FGD4: variants seen among roughly 807,000 people sequenced by gnomAD.
FGD4 encodes the protein FYVE, RhoGEF and PH domain containing 4, also known as FYVE, RhoGEF and PH domain-containing protein 4.
FGD4 carries 42 observed loss-of-function variants against 102.0 expected under a neutral mutation model. That is an observed-to-expected ratio of 0.41 (90% CI 0.32 to 0.53). The LOEUF is 0.53. Ranked by LOEUF, FGD4 falls within the 20% of genes least tolerant of loss-of-function variation. FGD4 has a pLI of 0.21. For missense variants in FGD4, 902 were observed against 1,078.2 expected (o/e 0.84, Z 2.29); for synonymous variants, 380 against 375.7 (o/e 1.01, Z -0.13).
At chr12:32,575,190 G>A (rs1385327451) in intron 2 of FGD4, among the ~76,000 whole-genome samples, 3 of 152,162 alleles carry the variant, frequency 2.0e-5, no homozygotes, top group African/African-American at 7.2e-5. Context: ...ACCATCTTAA[G>A]CTGTTTAGTG....
chr12:32,495,951 ACCTTGGCCAC>A (rs1423553554), intron 1 of FGD4, among the ~76,000 whole-genome samples: 2 of 152,064 alleles, frequency 1.3e-5, no homozygotes, highest in African/African-American at 4.8e-5. Context: ...TTGCCCACAA[ACCTTGGCCAC>A]CCTCTCTTTT....
chr12:32,532,911 TTC>T (rs1340878663), intron 1 of FGD4, among the ~76,000 whole-genome samples: 2 of 152,212 alleles, frequency 1.3e-5, no homozygotes, highest in African/African-American at 4.8e-5. Flanking sequence ...ATATACACAT[TTC>T]TGTTATTAAA....
intron 1 of FGD4, among the ~76,000 whole-genome samples, chr12:32,488,925 C>T (rs1326335909): frequency 6.6e-6 from 1 of 151,220 alleles, no homozygotes; most frequent in African/African-American, 2.4e-5. Context: ...GGTGACAGGG[C>T]GAGACTCTGT....
chr12:32,576,554 T>C, intron 3 of FGD4, 105 bp downstream of exon 3: 1 of 1,316,514 alleles, frequency 7.6e-7, no homozygotes, highest in Non-Finnish European at 1.1e-6. Context: ...AATATCTTAT[T>C]CCATTAGGTT....
intron 1 of FGD4, among the ~76,000 whole-genome samples, chr12:32,481,315 C>T (rs1382059617): frequency 6.6e-6 from 1 of 151,770 alleles, no homozygotes; most frequent in African/African-American, 2.4e-5. Flanking sequence ...AATTAGCTGC[C>T]AAATACATTG....
At chr12:32,403,217 T>C (rs1940764553) in intron 1 of FGD4, among the ~76,000 whole-genome samples, 1 of 152,206 alleles carries the variant, frequency 6.6e-6, no homozygotes, top group South Asian at 2.1e-4. Context: ...CCCTGCTGTT[T>C]TTAGAGTTCT....
intron 1 of FGD4, among the ~76,000 whole-genome samples, chr12:32,484,964 ATAG>A (rs1276600010): frequency 1.3e-5 from 2 of 152,222 alleles, no homozygotes; most frequent in Non-Finnish European, 2.9e-5. Flanking sequence ...TGGTGGTATG[ATAG>A]TAGCTCACTA....
intron 1 of FGD4, among the ~76,000 whole-genome samples, chr12:32,435,256 C>A (rs978693324): frequency 1.7e-4 from 26 of 152,100 alleles, no homozygotes; most frequent in African/African-American, 5.1e-4. Context: ...CACTTCATTT[C>A]TTTAAAGTGA....
Position 32,624,766 on chromosome 12 carries a change from G to A in FGD4, c.1954-210G>A, listed in dbSNP as rs990550272. On this transcript the variant is annotated intron_variant, in intron 12 of 16. Coordinates refer to ENST00000534526, the MANE Select transcript of FGD4 (RefSeq NM_001370298.3). Reference sequence around the variant, plus strand: ...TGGGATTACAGGTGTGAGCCACCACGCCCAGCTTATTTTCACTTTTGTTTT... The same window carrying A: ...TGGGATTACAGGTGTGAGCCACCACACCCAGCTTATTTTCACTTTTGTTTT... The A allele has an allele frequency of 3.4e-5, 21 of 623,648 alleles. No homozygotes were observed. The African/African-American group carries it at 3.7e-4, about 11-fold the overall frequency. 38.6% of individuals were successfully genotyped at this position (623,648 alleles called of 1,614,324 possible).
intron 4 of FGD4, among the ~76,000 whole-genome samples, chr12:32,583,959 T>TA (rs1362291014): frequency 6.6e-6 from 1 of 152,234 alleles, no homozygotes; most frequent in Admixed American, 6.5e-5. Context: ...GAGCTGTTCT[T>TA]ACAAAGAAAA....
intron 5 of FGD4, among the ~76,000 whole-genome samples, chr12:32,599,499 A>AAAAAAAAAAAAGAAAAG (rs1440115921): frequency 8.1e-6 from 1 of 123,588 alleles, no homozygotes; most frequent in Non-Finnish European, 1.7e-5. Context: ...CGTCTCAAAA[A>AAAAAAAAAAAAGAAAAG]AAAAAAAAAG....
intron 2 of FGD4, among the ~76,000 whole-genome samples, chr12:32,575,060 A>AGT (rs1381313698): frequency 6.6e-6 from 1 of 152,180 alleles, no homozygotes; most frequent in Non-Finnish European, 1.5e-5. Context: ...TATCATCTAC[A>AGT]GTGTGTTAGG....
Position 32,496,679 on chromosome 12 carries a change from A to G in FGD4, c.167-67458A>G, listed in dbSNP as rs149889052. ...AAACATAAATATACATATGTCCTAC[A>G]TATGTCCTTGTAGAGTCTTCACTTT... is the stretch of plus-strand genomic sequence containing the variant. On this transcript the variant is annotated intron_variant, in intron 1 of 16. Coordinates refer to ENST00000534526, the MANE Select transcript of FGD4 (RefSeq NM_001370298.3). Among the ~76,000 whole-genome samples, 1,394 of 152,350 alleles carry G rather than the reference A, an allele frequency of 9.1e-3. 30 individuals carry two copies. The highest frequency in any genetic ancestry group is 0.032 in the African/African-American group (1,330 of 41,578).
intron 1 of FGD4, among the ~76,000 whole-genome samples, chr12:32,543,994 TATGTCACAA>T (rs764804522): frequency 1.3e-5 from 2 of 152,212 alleles, no homozygotes; most frequent in Non-Finnish European, 2.9e-5. Context: ...ATATTTTTAT[TATGTCACAA>T]ATGGATTCTA....
At chr12:32,594,415 A>G (rs754749934) in intron 4 of FGD4, among the ~76,000 whole-genome samples, 2 of 152,212 alleles carry the variant, frequency 1.3e-5, no homozygotes, top group Non-Finnish European at 2.9e-5. Flanking sequence ...GTCTAGTTGC[A>G]GGAAAACAAG....
intron 1 of FGD4, among the ~76,000 whole-genome samples, chr12:32,561,263 T>G (rs1944564187): frequency 6.6e-6 from 1 of 151,832 alleles, no homozygotes; most frequent in Non-Finnish European, 1.5e-5. Flanking sequence ...ATTTTTGTAT[T>G]TTTAGTAGAG....
intron 1 of FGD4, among the ~76,000 whole-genome samples, chr12:32,405,288 G>A (rs1555177061): frequency 8.1e-6 from 1 of 123,518 alleles, no homozygotes; most frequent in African/African-American, 3.0e-5. Context: ...TTTAGAAGGA[G>A]TTTCACTCTT....
intron 7 of FGD4, among the ~76,000 whole-genome samples, chr12:32,606,132 CT>C (rs1406754571): frequency 6.6e-6 from 1 of 152,104 alleles, no homozygotes; most frequent in East Asian, 1.9e-4. Context: ...TAATACTTTC[CT>C]TGATGTACGT....
intron 1 of FGD4, among the ~76,000 whole-genome samples, chr12:32,438,972 A>T (rs538431981): frequency 4.6e-5 from 7 of 152,242 alleles, no homozygotes; most frequent in East Asian, 1.9e-4. Flanking sequence ...CAGTGTCTTC[A>T]TTTTTTGATC....
Sources: allele counts gnomAD v4.1 joint callset (sites outside exome capture counted in the v4.1 genomes callset), GRCh38; gene constraint gnomAD v4.1.1; transcripts MANE v1.5; gene names NCBI Gene and HGNC (gene_info 2026-07-23, HGNC 2026-07-21).